PCDH9: variants seen among roughly 807,000 people sequenced by gnomAD.
The protein encoded by PCDH9 is protocadherin 9.
In PCDH9, 24 loss-of-function variants were observed where a neutral mutation model predicts 70.6. The observed-to-expected ratio is 0.34, with a 90% CI of 0.25 to 0.48. The LOEUF is 0.48. Among genes scored for constraint, PCDH9 ranks in the 20% least tolerant of loss-of-function variants. The pLI, the probability that PCDH9 is intolerant of heterozygous loss-of-function variation, is 0.99. For missense variants in PCDH9, 1,281 were observed against 1,503.6 expected (o/e 0.85, Z 2.45); for synonymous variants, 562 against 558.5 (o/e 1.01, Z -0.09).
chr13:66,503,468 CA>C (rs1959187848), intron 4 of PCDH9, among the ~76,000 whole-genome samples: 1 of 152,154 alleles, frequency 6.6e-6, no homozygotes, highest in Non-Finnish European at 1.5e-5. Flanking sequence ...TAATACTACA[CA>C]AATACTATTT....
intron 3 of PCDH9, among the ~76,000 whole-genome samples, chr13:66,682,498 T>C (rs1192094627): frequency 6.6e-6 from 1 of 152,076 alleles, no homozygotes; most frequent in Admixed American, 6.6e-5. Context: ...ATTGCAGAAT[T>C]TTTTCCTGTC....
chr13:66,448,141 T>C (rs1958133651), intron 4 of PCDH9, among the ~76,000 whole-genome samples: 1 of 152,134 alleles, frequency 6.6e-6, no homozygotes, highest in Non-Finnish European at 1.5e-5. Flanking sequence ...TAGGAAGCAA[T>C]TTCTCAGTCC....
chr13:66,814,630 C>T (rs1566212252), intron 3 of PCDH9, among the ~76,000 whole-genome samples: 1 of 152,018 alleles, frequency 6.6e-6, no homozygotes, highest in African/African-American at 2.4e-5. Flanking sequence ...TTATTGGGCT[C>T]CTAATAAAAT....
intron 4 of PCDH9, among the ~76,000 whole-genome samples, chr13:66,332,032 C>A (rs867103703): frequency 7.2e-5 from 11 of 152,134 alleles, no homozygotes; most frequent in Admixed American, 2.0e-4. Flanking sequence ...GAAGAGAGTG[C>A]AGTCAGGGAG....
chr13:66,652,698 G>T (rs1302122812), intron 3 of PCDH9, among the ~76,000 whole-genome samples: 1 of 151,954 alleles, frequency 6.6e-6, no homozygotes, highest in African/African-American at 2.4e-5. Context: ...AAGAAAACTG[G>T]AGGAATCACA....
At chr13:66,907,756 C>T (rs2082388123) in intron 2 of PCDH9, among the ~76,000 whole-genome samples, 2 of 152,122 alleles carry the variant, frequency 1.3e-5, no homozygotes, top group South Asian at 4.1e-4. Flanking sequence ...ACATTTTCAA[C>T]TCAATGGTAA....
At chr13:66,889,221 A>C (rs1002360970) in intron 3 of PCDH9, among the ~76,000 whole-genome samples, 1 of 152,226 alleles carries the variant, frequency 6.6e-6, no homozygotes, top group Non-Finnish European at 1.5e-5. Flanking sequence ...ATTACTGTGT[A>C]GACTGGGTAC....
At chr13:66,545,504 A>C (rs967029276) in intron 4 of PCDH9, among the ~76,000 whole-genome samples, 2 of 152,196 alleles carry the variant, frequency 1.3e-5, no homozygotes, top group African/African-American at 4.8e-5. Context: ...ACTTATTGTC[A>C]TACACAGTAA....
At chr13:67,202,760 T>A (rs912803412) in intron 2 of PCDH9, 1 of 152,096 alleles carries the variant, frequency 6.6e-6, no homozygotes, top group African/African-American at 2.4e-5. Context: ...AGAAATGCCA[T>A]CAGAGCTATT....
intron 2 of PCDH9, among the ~76,000 whole-genome samples, chr13:66,930,572 A>G (rs952515806): frequency 2.0e-5 from 3 of 152,162 alleles, no homozygotes; most frequent in African/African-American, 7.2e-5. Context: ...TCATCTGACT[A>G]CACATATATT....
At chr13:66,892,309 A>G (rs1023033426) in intron 3 of PCDH9, among the ~76,000 whole-genome samples, 5 of 150,734 alleles carry the variant, frequency 3.3e-5, no homozygotes, top group East Asian at 3.9e-4. Context: ...TTTATCAAGT[A>G]TACTTTAAAC....
intron 3 of PCDH9, chr13:66,782,925 A>G (rs1021990049): frequency 3.9e-5 from 6 of 152,238 alleles, no homozygotes; most frequent in Admixed American, 3.9e-4. Flanking sequence ...TTTAACATAA[A>G]TTAATCTAAA....
chr13:66,489,000 C>T (rs368454961), intron 4 of PCDH9, among the ~76,000 whole-genome samples: 3 of 151,982 alleles, frequency 2.0e-5, no homozygotes, highest in African/African-American at 7.2e-5. Context: ...CGTATACACA[C>T]AAAAATAGTT....
intron 4 of PCDH9, among the ~76,000 whole-genome samples, chr13:66,541,404 C>A (rs774265541): frequency 3.9e-5 from 6 of 152,090 alleles, no homozygotes; most frequent in Admixed American, 6.5e-5. Context: ...TAAATTTATT[C>A]TTTCACATTT....
At position 67,226,449 on chromosome 13, in the gene PCDH9, G is replaced by T; in HGVS notation, c.1992C>A (p.Asn664Lys). The change falls in exon 2 of 5, where the codon AAC becomes AAA. Residue 664 changes from asparagine (N) to lysine (K), a missense_variant. Around this residue, in one of 4 missense-constraint regions of PCDH9, gnomAD observed 798 missense variants for 1,003.1 expected, o/e 0.80. Transcript: ENST00000377865. The surrounding 1 kb of genome is among the most constrained non-coding windows in gnomAD (Gnocchi z 5.0). Reference sequence around the variant, plus strand: ...GGCTGTTGTCATTGACATCCATGACGTTGATAGTTACTTTTGCAGTAGAGG... The same window carrying T: ...GGCTGTTGTCATTGACATCCATGACTTTGATAGTTACTTTTGCAGTAGAGG... ...PRSSTAKVTI[N>K]VMDVNDNSPV... 1 of 1,613,950 alleles carries T rather than the reference G, an allele frequency of 6.2e-7. No individual in the cohort carries two copies. The highest frequency in any genetic ancestry group is 8.5e-7 in the Non-Finnish European group (1 of 1,179,804).
intron 3 of PCDH9, among the ~76,000 whole-genome samples, chr13:66,815,285 G>A (rs1468860354): frequency 6.6e-6 from 1 of 152,074 alleles, no homozygotes. Context: ...AGATGCTGGA[G>A]AGTTTGTGAA....
At chr13:66,549,821 C>T (rs1832873023) in intron 4 of PCDH9, among the ~76,000 whole-genome samples, 1 of 151,996 alleles carries the variant, frequency 6.6e-6, no homozygotes, top group South Asian at 2.1e-4. Context: ...GGAGTTCCAG[C>T]CAGCCTGGGC....
chr13:66,771,715 C>A (rs1292481811), intron 3 of PCDH9, among the ~76,000 whole-genome samples: 1 of 152,192 alleles, frequency 6.6e-6, no homozygotes, highest in Non-Finnish European at 1.5e-5. Flanking sequence ...GACTCTTTAA[C>A]TTTTGCTACC....
chr13:67,153,316 T>A (rs1422390433), intron 2 of PCDH9, among the ~76,000 whole-genome samples: 1 of 152,058 alleles, frequency 6.6e-6, no homozygotes, highest in East Asian at 1.9e-4. Context: ...TATAGGCATG[T>A]GCCACTGCAC....
Sources: gnomAD v4.1 joint callset for allele counts (sites outside exome capture counted in the v4.1 genomes callset) on GRCh38, gnomAD v4.1.1 for gene constraint, gnomAD v4.1.1 regional missense constraint, Gnocchi (gnomAD v3.1) non-coding constraint, MANE v1.5 for transcripts, NCBI Gene and HGNC (gene_info 2026-07-23, HGNC 2026-07-21) for gene names.